The following SKAP1 variants were observed in gnomAD, a reference collection of about 807,000 sequenced individuals.
The protein encoded by SKAP1 is src kinase associated phosphoprotein 1, also known as src kinase-associated phosphoprotein 1.
A neutral mutation model predicts 58.5 loss-of-function variants in SKAP1; 44 were observed. The ratio of observed to expected loss-of-function variants is 0.75; its 90% CI spans 0.59 to 0.97. SKAP1 has a LOEUF of 0.97. Among genes scored for constraint, SKAP1 ranks in the 50% least tolerant of loss-of-function variants. The pLI, the probability that SKAP1 is intolerant of heterozygous loss-of-function variation, is 0.00. For missense variants in SKAP1, 390 were observed against 435.2 expected (o/e 0.90, Z 0.92); for synonymous variants, 127 against 149.7 (o/e 0.85, Z 1.11).
rs1214113782 is a variant in SKAP1 at position 48,294,032 on chromosome 17, T to C, written c.280+51873A>G. ...GGTGCTTTAAATAGAGATCAATGTGTTCCAGGCTGCCTGGATTGTGGGGAT... is the reference window on the plus strand; with the variant it reads ...GGTGCTTTAAATAGAGATCAATGTGCTCCAGGCTGCCTGGATTGTGGGGAT... On this transcript the variant is annotated intron_variant, in intron 4 of 12. Coordinates refer to ENST00000336915, the MANE Select transcript of SKAP1 (RefSeq NM_003726.4). Among the ~76,000 whole-genome samples, 3 of 152,220 alleles carry C rather than the reference T, an allele frequency of 2.0e-5. No individual in the cohort carries two copies. The East Asian group carries it at 5.8e-4, about 29-fold the overall frequency.
At chr17:48,373,907 T>C (rs955868540) in intron 2 of SKAP1, among the ~76,000 whole-genome samples, 1 of 152,224 alleles carries the variant, frequency 6.6e-6, no homozygotes, top group Non-Finnish European at 1.5e-5. Context: ...ACTGAAGTAT[T>C]AAAAGTGTTA....
chr17:48,426,712 G>A (rs1175611143), intron 1 of SKAP1, among the ~76,000 whole-genome samples: 1 of 152,094 alleles, frequency 6.6e-6, no homozygotes, highest in African/African-American at 2.4e-5. Context: ...TTATCTATGA[G>A]GTATTTATTT....
intron 4 of SKAP1, among the ~76,000 whole-genome samples, chr17:48,316,292 T>C (rs1202043209): frequency 6.6e-6 from 1 of 152,214 alleles, no homozygotes; most frequent in East Asian, 1.9e-4. Flanking sequence ...GGTGTGGCTC[T>C]AGCCACATAA....
intron 2 of SKAP1, among the ~76,000 whole-genome samples, chr17:48,388,616 A>G (rs7209820): frequency 5.1e-4 from 77 of 152,286 alleles, no homozygotes; most frequent in African/African-American, 1.8e-3. Flanking sequence ...TACATTCCAA[A>G]ACAAACTGCT....
At chr17:48,229,072 G>C (rs964215237) in intron 4 of SKAP1, among the ~76,000 whole-genome samples, 3 of 152,106 alleles carry the variant, frequency 2.0e-5, no homozygotes, top group Admixed American at 2.0e-4. Flanking sequence ...GTGCATCCCT[G>C]AGGGTGAGGT....
chr17:48,306,976 A>AT (rs552095693), intron 4 of SKAP1, among the ~76,000 whole-genome samples: 15 of 152,156 alleles, frequency 9.9e-5, no homozygotes, highest in African/African-American at 2.9e-4. Context: ...TTATGTAAGT[A>AT]TTTTTTTAAT....
intron 1 of SKAP1, among the ~76,000 whole-genome samples, chr17:48,411,088 C>G (rs1182355317): frequency 6.6e-6 from 1 of 151,938 alleles, no homozygotes; most frequent in Non-Finnish European, 1.5e-5. Flanking sequence ...ATACTTATAT[C>G]AATAAATGGT....
chr17:48,331,058 A>C (rs1029489504), intron 4 of SKAP1, among the ~76,000 whole-genome samples: 1 of 152,182 alleles, frequency 6.6e-6, no homozygotes, highest in African/African-American at 2.4e-5. Flanking sequence ...AATCAGTCTG[A>C]GGGACCCTAG....
At chr17:48,367,969 G>A (rs2067031643) in intron 2 of SKAP1, among the ~76,000 whole-genome samples, 1 of 151,594 alleles carries the variant, frequency 6.6e-6, no homozygotes, top group South Asian at 2.1e-4. Context: ...AATTTGATGT[G>A]GAACAGTATG....
rs180989146 is a variant in SKAP1 at position 48,427,413 on chromosome 17, A to C, written c.46+2662T>G. Among the ~76,000 whole-genome samples, 26 of 152,262 alleles carry C rather than the reference A, an allele frequency of 1.7e-4. No individual in the cohort carries two copies. In the East Asian group the frequency reaches 4.6e-3, roughly 27 times the overall value. ...ACCCTGAGTCTCCCAACTTATTAACATTTAGCATAGATCTTCGTGCATATA... is the reference window on the plus strand; with the variant it reads ...ACCCTGAGTCTCCCAACTTATTAACCTTTAGCATAGATCTTCGTGCATATA... On this transcript the variant is annotated intron_variant, in intron 1 of 12. Transcript: ENST00000336915.
intron 2 of SKAP1, among the ~76,000 whole-genome samples, chr17:48,374,173 T>C (rs978216524): frequency 6.6e-6 from 1 of 151,264 alleles, no homozygotes; most frequent in Non-Finnish European, 1.5e-5. Flanking sequence ...TATCTGGGAC[T>C]ACAGGCACGC....
chr17:48,327,730 G>C (rs776681731), intron 4 of SKAP1, among the ~76,000 whole-genome samples: 9 of 152,070 alleles, frequency 5.9e-5, no homozygotes, highest in Non-Finnish European at 1.3e-4. Flanking sequence ...CTGGGCTCAA[G>C]CCGTCCTCCC....
chr17:48,398,926 C>T (rs946469782), intron 1 of SKAP1, among the ~76,000 whole-genome samples: 3 of 152,118 alleles, frequency 2.0e-5, no homozygotes, highest in African/African-American at 7.2e-5. Flanking sequence ...GAGGCTGAGG[C>T]AGGAGAATCA....
chr17:48,405,392 C>CATTTCTTTCTTTCTTT (rs1491435155), intron 1 of SKAP1, among the ~76,000 whole-genome samples: 3 of 107,308 alleles, frequency 2.8e-5, no homozygotes, highest in African/African-American at 1.1e-4. Flanking sequence ...TTTTCTCTTT[C>CATTTCTTTCTTTCTTT]CTTTCTTTCT....
chr17:48,346,476 T>G (rs941694990), intron 3 of SKAP1, among the ~76,000 whole-genome samples: 1 of 151,698 alleles, frequency 6.6e-6, no homozygotes, highest in African/African-American at 2.4e-5. Flanking sequence ...ATACAAAAAT[T>G]AGCAGGGTGT....
At position 48,369,008 on chromosome 17, in the gene SKAP1, G is replaced by A. The variant is rs551343121; in HGVS notation, c.153-5194C>T. ...AAAAATACAAAAAAATTAGCTGGGC[G>A]TAGTGGCGCATGCCTGTAATCTCAG... On this transcript the variant is annotated intron_variant, in intron 2 of 12. Transcript: ENST00000336915. Among the ~76,000 whole-genome samples, 15 of 152,156 alleles carry A rather than the reference G, an allele frequency of 9.9e-5. No individual in the cohort carries two copies. The East Asian group carries it at 1.7e-3, about 18-fold the overall frequency.
At chr17:48,392,166 C>T (rs930740033) in intron 2 of SKAP1, among the ~76,000 whole-genome samples, 2 of 152,088 alleles carry the variant, frequency 1.3e-5, no homozygotes, top group African/African-American at 4.8e-5. Flanking sequence ...GCTAAATCCA[C>T]GTTAAGCTGA....
At chr17:48,155,288 T>C in intron 11 of SKAP1, among the ~76,000 whole-genome samples, 1 of 151,074 alleles carries the variant, frequency 6.6e-6, no homozygotes, top group East Asian at 2.1e-4. Flanking sequence ...CCACCATGCC[T>C]GGCTAATTTT....
chr17:48,157,019 C>T (rs533705335), intron 11 of SKAP1, among the ~76,000 whole-genome samples: 5 of 152,258 alleles, frequency 3.3e-5, no homozygotes, highest in African/African-American at 9.6e-5. Context: ...TTCCTACTTC[C>T]TACATGCCAG....
Sources: gnomAD v4.1 joint callset for allele counts (sites outside exome capture counted in the v4.1 genomes callset) on GRCh38, gnomAD v4.1.1 for gene constraint, MANE v1.5 for transcripts, NCBI Gene and HGNC (gene_info 2026-07-23, HGNC 2026-07-21) for gene names.